Variants in RAB3C observed in about 807,000 individuals in gnomAD.
RAB3C encodes ras-related protein Rab-3C.
RAB3C carries 17 observed loss-of-function variants against 26.4 expected under a neutral mutation model. The observed-to-expected ratio is 0.64, with a 90% CI of 0.44 to 0.97. RAB3C has a LOEUF of 0.97. Among genes scored for constraint, RAB3C ranks in the 50% least tolerant of loss-of-function variants. The pLI, the probability that RAB3C is intolerant of heterozygous loss-of-function variation, is 0.00. For synonymous variants in RAB3C, 91 were observed against 95.9 expected (o/e 0.95, Z 0.30); for missense variants, 242 against 281.9 (o/e 0.86, Z 1.01).
intron 4 of RAB3C, among the ~76,000 whole-genome samples, chr5:58,844,868 A>G (rs1743954252): frequency 6.6e-6 from 1 of 152,188 alleles, no homozygotes; most frequent in South Asian, 2.1e-4. Context: ...GAGTGCCCCA[A>G]GCGATGTTTC....
chr5:58,710,597 TCA>T, intron 2 of RAB3C, among the ~76,000 whole-genome samples: 1 of 133,358 alleles, frequency 7.5e-6, no homozygotes, highest in South Asian at 2.5e-4. Context: ...AGACTCTGTC[TCA>T]AAATAAATAA....
chr5:58,714,756 C>A (rs1035568961), intron 2 of RAB3C, among the ~76,000 whole-genome samples: 4 of 150,306 alleles, frequency 2.7e-5, no homozygotes, highest in Non-Finnish European at 5.9e-5. Flanking sequence ...TTATTATAGG[C>A]ATAACTTCCA....
intron 2 of RAB3C, among the ~76,000 whole-genome samples, chr5:58,696,279 G>T (rs1424755991): frequency 6.6e-6 from 1 of 152,202 alleles, no homozygotes; most frequent in African/African-American, 2.4e-5. Flanking sequence ...AAGCCAACTT[G>T]ATCGTGGTGG....
chr5:58,738,119 C>T (rs918206049), intron 3 of RAB3C, among the ~76,000 whole-genome samples: 1 of 152,144 alleles, frequency 6.6e-6, no homozygotes, highest in Non-Finnish European at 1.5e-5. Context: ...TCATTTCTCA[C>T]GGCCTCCGTT....
intron 3 of RAB3C, among the ~76,000 whole-genome samples, chr5:58,737,753 A>T (rs943701767): frequency 2.0e-5 from 3 of 152,138 alleles, no homozygotes; most frequent in Non-Finnish European, 4.4e-5. Context: ...CTGGAATAGT[A>T]TCAGATCATT....
At chr5:58,627,471 T>TAAAAAAA (rs58104232) in intron 2 of RAB3C, among the ~76,000 whole-genome samples, 19 of 68,442 alleles carry the variant, frequency 2.8e-4, no homozygotes, top group Non-Finnish European at 3.9e-4. Context: ...GACTCCGTCT[T>TAAAAAAA]AAAAAAAAAA....
At chr5:58,816,143 C>A (rs1361723741) in intron 3 of RAB3C, among the ~76,000 whole-genome samples, 2 of 152,134 alleles carry the variant, frequency 1.3e-5, no homozygotes, top group Non-Finnish European at 2.9e-5. Flanking sequence ...AAGACAAATC[C>A]CCTCTTAGTG....
At chr5:58,630,270 C>T (rs1747161408) in intron 2 of RAB3C, among the ~76,000 whole-genome samples, 1 of 152,206 alleles carries the variant, frequency 6.6e-6, no homozygotes, top group South Asian at 2.1e-4. Flanking sequence ...AATTACCTAA[C>T]ATGTGTATTG....
chr5:58,702,190 CTT>C (rs1280716218), intron 2 of RAB3C, among the ~76,000 whole-genome samples: 2 of 152,168 alleles, frequency 1.3e-5, no homozygotes. Context: ...GGCACTTACT[CTT>C]ATGTGTAATT....
At position 58,853,030 on chromosome 5, in the gene RAB3C, T is replaced by A. The variant is rs1744147859; in HGVS notation, c.*1679T>A. On this transcript the variant is annotated 3_prime_UTR_variant, in exon 5 of 5. Transcript: ENST00000282878. ...AAATTAGGGGAGAGAGCATTTGGAA[T>A]GCTTTAAGCATTTCCATGTTATTTC... is the stretch of plus-strand genomic sequence containing the variant. 1 of 152,224 alleles carries A rather than the reference T, an allele frequency of 6.6e-6. No homozygotes were observed. The highest frequency in any genetic ancestry group is 1.5e-5 in the Non-Finnish European group (1 of 68,038). The allele number at this position is 152,224 out of a possible 1,614,324, so 9.4% of individuals were successfully genotyped here. A position where few individuals can be genotyped will look rare whatever the true frequency, so the allele number is the denominator to read the frequency against.
At chr5:58,652,776 C>T (rs994958639) in intron 2 of RAB3C, among the ~76,000 whole-genome samples, 3 of 150,666 alleles carry the variant, frequency 2.0e-5, no homozygotes, top group Non-Finnish European at 4.4e-5. Context: ...AGTACCTTGG[C>T]TTTAATTACT....
chr5:58,803,110 T>G (rs1157580471), intron 3 of RAB3C, among the ~76,000 whole-genome samples: 2 of 152,200 alleles, frequency 1.3e-5, no homozygotes, highest in African/African-American at 4.8e-5. Flanking sequence ...GGCTGGGAAA[T>G]GGTGTCTGGC....
At chr5:58,616,181 A>G (rs1352617150) in intron 1 of RAB3C, among the ~76,000 whole-genome samples, 2 of 152,230 alleles carry the variant, frequency 1.3e-5, no homozygotes, top group Admixed American at 1.3e-4. Flanking sequence ...TCTCTAGCCT[A>G]GCATTGTACA....
chr5:58,748,431 A>T (rs1311775558), intron 3 of RAB3C, among the ~76,000 whole-genome samples: 2 of 152,296 alleles, frequency 1.3e-5, no homozygotes, highest in African/African-American at 4.8e-5. Flanking sequence ...TTCATTGTGC[A>T]TGCAGTAATT....
In RAB3C at chr5:58,627,515, A is replaced by AAAAAAAAAAAAAAAAAAAAC. The variant is rs1325212744; in HGVS notation, c.252+9649_252+9650insAAAAAAAAAAAAAAACAAAA. Among the ~76,000 whole-genome samples the AAAAAAAAAAAAAAAAAAAAC allele has an allele frequency of 7.8e-4, 47 of 60,572 alleles. 8 individuals are homozygous for AAAAAAAAAAAAAAAAAAAAC. The highest frequency in any genetic ancestry group is 1.2e-3 in the Non-Finnish European group (37 of 30,328). The allele number at this position is 60,572 out of a possible 152,430, so 39.7% of individuals were successfully genotyped here. A position where few individuals can be genotyped will look rare whatever the true frequency, so the allele number is the denominator to read the frequency against. On this transcript the variant is annotated intron_variant, in intron 2 of 4. Transcript: ENST00000282878. ...AAAAAAAAAAAAAAAAAAAAAAAAA[A>AAAAAAAAAAAAAAAAAAAAC]AAAACACAGCTTAAATTCGGTGCAA...
At chr5:58,648,347 C>G (rs943679199) in intron 2 of RAB3C, among the ~76,000 whole-genome samples, 3 of 152,140 alleles carry the variant, frequency 2.0e-5, no homozygotes, top group African/African-American at 7.2e-5. Context: ...AGATTCTGTG[C>G]TGTGTGTGCA....
chr5:58,779,382 G>A lies in RAB3C; in HGVS notation c.372-45656G>A, dbSNP rs961034648. Among the ~76,000 whole-genome samples, 14 of 148,800 alleles carry A rather than the reference G, an allele frequency of 9.4e-5. No individual in the cohort carries two copies. The East Asian group carries it at 1.6e-3, about 17-fold the overall frequency. On this transcript the variant is annotated intron_variant, in intron 3 of 4. Coordinates refer to ENST00000282878, the MANE Select transcript of RAB3C (RefSeq NM_138453.4). ...GATTTATATATATATATGATTTTAT[G>A]TATATATATATGATTTTTTTCAGGC...
intron 1 of RAB3C, among the ~76,000 whole-genome samples, chr5:58,606,956 G>T (rs1402870278): frequency 1.3e-5 from 2 of 152,154 alleles, no homozygotes; most frequent in Non-Finnish European, 2.9e-5. Flanking sequence ...CAGATGGGGA[G>T]AAACCAGAGC....
chr5:58,707,429 G>A (rs534236533), intron 2 of RAB3C, among the ~76,000 whole-genome samples: 63 of 152,136 alleles, frequency 4.1e-4, no homozygotes, highest in Admixed American at 7.9e-4. Context: ...CTGTGTCTGA[G>A]GTCCTATTCT....
Sources: gnomAD v4.1 joint callset for allele counts (sites outside exome capture counted in the v4.1 genomes callset) on GRCh38, gnomAD v4.1.1 for gene constraint, MANE v1.5 for transcripts, NCBI Gene and HGNC (gene_info 2026-07-23, HGNC 2026-07-21) for gene names.